The following NMBR variants were observed in gnomAD, a reference collection of about 807,000 sequenced individuals.
NMBR encodes the protein neuromedin-B receptor.
NMBR carries 16 observed loss-of-function variants against 20.5 expected under a neutral mutation model. That is an observed-to-expected ratio of 0.78 (90% confidence interval 0.53 to 1.19). The LOEUF is 1.19. NMBR is among the 50% of genes most tolerant of loss of function. The pLI, the probability that NMBR is intolerant of heterozygous loss-of-function variation, is 0.00. For synonymous variants in NMBR, 212 were observed against 196.6 expected, an observed-to-expected ratio of 1.08 and a Z score of -0.65; for missense variants, 582 against 499.1, an observed-to-expected ratio of 1.17 and a Z score of -1.58.
At chr6:142,141,443 A>T (rs1778359445) in intron 1 of NMBR, among the ~76,000 whole-genome samples, 1 of 152,112 alleles carries the variant, frequency 6.6e-6, no homozygotes, top group South Asian at 2.1e-4. Context: ...AGTTCTAAAT[A>T]TTATGTTAGA....
chr6:142,096,596 G>T (rs1777457068), intron 1 of NMBR, among the ~76,000 whole-genome samples: 1 of 152,140 alleles, frequency 6.6e-6, no homozygotes, highest in African/African-American at 2.4e-5. Flanking sequence ...TTCCAACTAT[G>T]TGGTCAATTT....
chr6:142,122,843 T>A (rs1176828442), intron 1 of NMBR, among the ~76,000 whole-genome samples: 1 of 151,888 alleles, frequency 6.6e-6, no homozygotes, highest in Non-Finnish European at 1.5e-5. Flanking sequence ...AAAAAAGGAT[T>A]CCTTTCAAAA....
intron 1 of NMBR, among the ~76,000 whole-genome samples, chr6:142,096,472 T>C (rs1777454758): frequency 6.6e-6 from 1 of 152,166 alleles, no homozygotes; most frequent in Non-Finnish European, 1.5e-5. Flanking sequence ...TTCCATGTAG[T>C]TGAGTGGTTT....
intron 1 of NMBR, among the ~76,000 whole-genome samples, chr6:142,136,025 T>A (rs2114611286): frequency 6.6e-6 from 1 of 152,354 alleles, no homozygotes; most frequent in South Asian, 2.1e-4. Context: ...ATGGGATGGC[T>A]AGGTCAAATG....
rs931725948 is a variant in NMBR at position 142,090,926 on chromosome 6, G to C, written c.-663-1605C>G. ...CATTTAGAAGAGAAAAAAATGTTTA[G>C]TCTAAAAGCTGGATTAATAAATATC... is the stretch of plus-strand genomic sequence containing the variant. On this transcript the variant is annotated intron_variant, in intron 1 of 3. Coordinates refer to ENST00000258042, the MANE Select transcript of NMBR (RefSeq NM_002511.4). 9.2e-5 allele frequency among the ~76,000 whole-genome samples: 14 copies of C among 152,036 alleles called. No individual in the cohort carries two copies. In the East Asian group the frequency reaches 2.7e-3, roughly 29 times the overall value.
chr6:142,121,224 C>T (rs1777938808), intron 1 of NMBR, among the ~76,000 whole-genome samples: 1 of 151,814 alleles, frequency 6.6e-6, no homozygotes, highest in Non-Finnish European at 1.5e-5. Flanking sequence ...TGGCTGTTTC[C>T]CCACGTCTCT....
chr6:142,144,222 G>A lies in NMBR; in HGVS notation c.-664+2822C>T, dbSNP rs146104370. ...TAAAATAATAGGATGTTAGTCTCAT[G>A]ATACTGGAAGCCAAATTTCTACCAC... is the stretch of plus-strand genomic sequence containing the variant. On this transcript the variant is annotated intron_variant, in intron 1 of 3. Transcript: ENST00000258042. Among the ~76,000 whole-genome samples the A allele has an allele frequency of 6.5e-3, 995 of 152,284 alleles. 8 individuals carry two copies. Among genetic ancestry groups the A allele is most frequent in the Non-Finnish European group, 0.012 (815 of 68,026 alleles).
chr6:142,118,311 C>T (rs1190154471), intron 1 of NMBR, among the ~76,000 whole-genome samples: 1 of 151,964 alleles, frequency 6.6e-6, no homozygotes, highest in Non-Finnish European at 1.5e-5. Context: ...TATTCACATA[C>T]ACATAGCCAA....
At position 142,075,673 on chromosome 6, in the gene NMBR, C is replaced by T. The variant is rs763233633; in HGVS notation, c.1148G>A (p.Ser383Asn). 5.6e-6 allele frequency: 9 copies of T among 1,612,150 alleles called. No individual in the cohort carries two copies. Among genetic ancestry groups the T allele is most frequent in the South Asian group, 1.1e-5 (1 of 90,782 alleles). ...TCACAGTGCCATTTCCTGCTTCATG[C>T]TGTGCCCATTTAGTAAAACAGAATT... ...VTNSVLLNGH[S>N]MKQEMAL Residue 383 changes from serine to asparagine, a missense_variant, in exon 4 of 4, where the codon AGC becomes AAC. Coordinates refer to ENST00000258042, the MANE Select transcript of NMBR (RefSeq NM_002511.4).
rs1776905526 is a variant in NMBR, at chr6:142,075,218, A to G, written c.*430T>C. The stretch of plus-strand genomic sequence containing the variant: ...GTTTGAATATTACCCTCACTGAATC[A>G]TTGAGTCAATATAGAAATTTATTTC... On this transcript the variant is annotated 3_prime_UTR_variant, in exon 4 of 4. Transcript: ENST00000258042. Among the ~76,000 whole-genome samples the G allele has an allele frequency of 6.6e-6, 1 of 152,086 alleles. No individual in the cohort carries two copies. The highest frequency in any genetic ancestry group is 1.5e-5 in the Non-Finnish European group (1 of 68,014).
intron 1 of NMBR, among the ~76,000 whole-genome samples, chr6:142,125,281 A>G (rs1562245190): frequency 6.6e-6 from 1 of 151,906 alleles, no homozygotes; most frequent in Non-Finnish European, 1.5e-5. Flanking sequence ...AAAAAATGGT[A>G]GAGAGGAAAC....
intron 1 of NMBR, among the ~76,000 whole-genome samples, chr6:142,121,549 T>A (rs1242584940): frequency 6.6e-6 from 1 of 151,906 alleles, no homozygotes; most frequent in Non-Finnish European, 1.5e-5. Flanking sequence ...ATGGGGAAAA[T>A]TATAGTGGTC....
At chr6:142,123,304 A>G (rs1777976267) in intron 1 of NMBR, among the ~76,000 whole-genome samples, 1 of 151,916 alleles carries the variant, frequency 6.6e-6, no homozygotes, top group South Asian at 2.1e-4. Context: ...CTGTGATCTC[A>G]TGATAAAACC....
chr6:142,098,259 C>T (rs140522751), intron 1 of NMBR, among the ~76,000 whole-genome samples: 1 of 152,212 alleles, frequency 6.6e-6, no homozygotes, highest in Non-Finnish European at 1.5e-5. Context: ...AACTATCTTG[C>T]TAACATCGGG....
At position 142,101,734 on chromosome 6, in the gene NMBR, A is replaced by G. The variant is rs533818476; in HGVS notation, c.-663-12413T>C. Among the ~76,000 whole-genome samples, 4 of 152,160 alleles carry G rather than the reference A, an allele frequency of 2.6e-5. No individual in the cohort carries two copies. The South Asian group carries it at 8.3e-4, about 31-fold the overall frequency. ...TGGCATCTCATAATTTTGCTTAAAA[A>G]TAACCCTATTTGGTCACGTTCTCAC... On this transcript the variant is annotated intron_variant, in intron 1 of 3. Coordinates refer to ENST00000258042, the MANE Select transcript of NMBR (RefSeq NM_002511.4).
rs899479136 is a variant in NMBR, at chr6:142,146,265, G to T, written c.-664+779C>A. Among the ~76,000 whole-genome samples the T allele has an allele frequency of 2.0e-5, 3 of 152,202 alleles. No individual in the cohort carries two copies. In the South Asian group the frequency reaches 6.2e-4, roughly 31 times the overall value. ...TCTTCTGGGGGTGAGAGAGTGATCA[G>T]AAAATAGTAGGCAGAGGGGAATTTC... On this transcript the variant is annotated intron_variant, in intron 1 of 3. Transcript: ENST00000258042.
At chr6:142,081,902 A>T (rs1410606023) in intron 2 of NMBR, among the ~76,000 whole-genome samples, 1 of 152,224 alleles carries the variant, frequency 6.6e-6, no homozygotes, top group African/African-American at 2.4e-5. Context: ...ATCAAAAGGC[A>T]TATAAAGAGA....
At chr6:142,121,989 GA>G (rs950167001) in intron 1 of NMBR, among the ~76,000 whole-genome samples, 3 of 151,842 alleles carry the variant, frequency 2.0e-5, no homozygotes, top group Non-Finnish European at 4.4e-5. Context: ...AAGACACACA[GA>G]CATTGTACCC....
intron 2 of NMBR, 133 bp from the exon 3 acceptor site, chr6:142,079,036 GAA>G (rs1156745071): frequency 2.1e-6 from 1 of 478,196 alleles, no homozygotes; most frequent in Admixed American, 3.8e-5. Flanking sequence ...GAGAAAGAAA[GAA>G]AGAGAGAAAG....
Sources: allele counts gnomAD v4.1 joint callset (sites outside exome capture counted in the v4.1 genomes callset), GRCh38; gene constraint gnomAD v4.1.1; transcripts MANE v1.5; gene names NCBI Gene and HGNC (gene_info 2026-07-23, HGNC 2026-07-21).